HS3ST3A1: variants seen among roughly 807,000 people sequenced by gnomAD.
HS3ST3A1 encodes heparan sulfate glucosamine 3-O-sulfotransferase 3A1.
HS3ST3A1 carries 19 observed loss-of-function variants against 25.7 expected under a neutral mutation model. The ratio of observed to expected loss-of-function variants is 0.74; its 90% confidence interval spans 0.52 to 1.08. The LOEUF (loss-of-function observed/expected upper bound fraction) is 1.08. HS3ST3A1 is among the 50% of genes least tolerant of loss of function. The probability of loss-of-function intolerance (pLI) is 0.00; values close to 1 mark genes in which losing one functional copy is unlikely to be tolerated. For missense variants in HS3ST3A1, 459 were observed against 594.3 expected (o/e 0.77, Z 2.37); for synonymous variants, 226 against 278.6 (o/e 0.81, Z 1.88).
Position 13,580,911 on chromosome 17 carries a change from A to AAC in HS3ST3A1, c.599+19618_599+19619dup, listed in dbSNP as rs571361186. ...CATCTCAAAAACAAACAAAAAAAAG[A>AAC]ACACACACAGTCAATTGAGGTCTCT... On this transcript the variant is annotated intron_variant, in intron 1 of 1. Coordinates refer to ENST00000284110, the MANE Select transcript of HS3ST3A1 (RefSeq NM_006042.3). Among the ~76,000 whole-genome samples, 1,159 of 152,148 alleles carry AAC rather than the reference A, an allele frequency of 7.6e-3. 10 individuals are homozygous for AAC. The highest frequency in any genetic ancestry group is 0.014 in the Non-Finnish European group (930 of 68,006).
Position 13,504,483 on chromosome 17 carries a change from G to A in HS3ST3A1, c.600-7665C>T, listed in dbSNP as rs995123924. ...AATGGTGGTTACCCTTAGGGGGATC[G>A]GTGTCTAGAAGAGGGCATGAGAGGG... On this transcript the variant is annotated intron_variant, in intron 1 of 1. Transcript: ENST00000284110. Among the ~76,000 whole-genome samples the A allele has an allele frequency of 1.8e-4, 28 of 152,216 alleles. No individual in the cohort carries two copies. In the South Asian group the frequency reaches 2.3e-3, roughly 12 times the overall value.
intron 1 of HS3ST3A1, among the ~76,000 whole-genome samples, chr17:13,577,101 A>G (rs1379400090): frequency 6.6e-6 from 1 of 152,184 alleles, no homozygotes; most frequent in Non-Finnish European, 1.5e-5. Context: ...TAAAATCTTC[A>G]GATCTCTTGA....
At chr17:13,524,150 T>C (rs1209336978) in intron 1 of HS3ST3A1, among the ~76,000 whole-genome samples, 1 of 152,224 alleles carries the variant, frequency 6.6e-6, no homozygotes, top group African/African-American at 2.4e-5. Context: ...TCACAGAGTA[T>C]GAGTTTGTGG....
chr17:13,588,827 G>A (rs946648264), intron 1 of HS3ST3A1, among the ~76,000 whole-genome samples: 2 of 152,120 alleles, frequency 1.3e-5, no homozygotes, highest in Admixed American at 1.3e-4. Context: ...GGGACTACAG[G>A]CGCCCACCAC....
At chr17:13,588,689 A>AT (rs56739289) in intron 1 of HS3ST3A1, among the ~76,000 whole-genome samples, 80,709 of 146,972 alleles carry the variant, frequency 0.55, 23,505 homozygotes, top group East Asian at 0.67. Flanking sequence ...ATGTAGTTCC[A>AT]TTTTTTTTTT....
chr17:13,562,763 C>T (rs1907581523), intron 1 of HS3ST3A1, among the ~76,000 whole-genome samples: 1 of 152,104 alleles, frequency 6.6e-6, no homozygotes, highest in African/African-American at 2.4e-5. Flanking sequence ...ATCAAGGCAC[C>T]CAGCTGAGCT....
At chr17:13,591,589 T>C in intron 1 of HS3ST3A1, among the ~76,000 whole-genome samples, 1 of 152,124 alleles carries the variant, frequency 6.6e-6, no homozygotes, top group East Asian at 1.9e-4. Flanking sequence ...AACAGAGGTA[T>C]TTAAATACTT....
chr17:13,512,321 A>AAAAAACAAAAAC (rs1905899830), intron 1 of HS3ST3A1, among the ~76,000 whole-genome samples: 2 of 144,768 alleles, frequency 1.4e-5, no homozygotes, highest in South Asian at 2.1e-4. Context: ...AAAAAAAAAA[A>AAAAAACAAAAAC]AAAAAACTGC....
At chr17:13,592,227 C>T (rs1024059160) in intron 1 of HS3ST3A1, among the ~76,000 whole-genome samples, 3 of 152,228 alleles carry the variant, frequency 2.0e-5, no homozygotes, top group Non-Finnish European at 4.4e-5. Flanking sequence ...TGATCTTGGA[C>T]AAGTTATTTC....
chr17:13,595,807 A>G (rs903578556), intron 1 of HS3ST3A1, among the ~76,000 whole-genome samples: 1 of 151,914 alleles, frequency 6.6e-6, no homozygotes, highest in African/African-American at 2.4e-5. Context: ...GCAATTTGCA[A>G]TTGTTCAACT....
At chr17:13,554,628 G>C (rs1205528222) in intron 1 of HS3ST3A1, among the ~76,000 whole-genome samples, 1 of 152,170 alleles carries the variant, frequency 6.6e-6, no homozygotes, top group African/African-American at 2.4e-5. Context: ...CTTTGGAACT[G>C]TTAAGTCCCC....
chr17:13,519,900 CAG>C (rs1469005028), intron 1 of HS3ST3A1, among the ~76,000 whole-genome samples: 3 of 152,138 alleles, frequency 2.0e-5, no homozygotes, highest in African/African-American at 4.8e-5. Flanking sequence ...TCCAAAATAT[CAG>C]AGAGTCTTCT....
At chr17:13,509,320 G>A (rs1598409015) in intron 1 of HS3ST3A1, among the ~76,000 whole-genome samples, 1 of 152,030 alleles carries the variant, frequency 6.6e-6, no homozygotes, top group Non-Finnish European at 1.5e-5. Context: ...GTAACCCTGG[G>A]AAACAAACAA....
At chr17:13,523,749 T>C (rs1052726934) in intron 1 of HS3ST3A1, among the ~76,000 whole-genome samples, 3 of 152,226 alleles carry the variant, frequency 2.0e-5, no homozygotes, top group Non-Finnish European at 2.9e-5. Flanking sequence ...TAGCAACTTG[T>C]GTCTTTTGAT....
chr17:13,524,768 C>T (rs988135541), intron 1 of HS3ST3A1, among the ~76,000 whole-genome samples: 9 of 152,072 alleles, frequency 5.9e-5, no homozygotes, highest in Admixed American at 1.3e-4. Flanking sequence ...TACATAGGAA[C>T]TTTCTGCAAA....
At chr17:13,569,307 CT>C (rs1424990314) in intron 1 of HS3ST3A1, among the ~76,000 whole-genome samples, 3 of 152,140 alleles carry the variant, frequency 2.0e-5, no homozygotes, top group Non-Finnish European at 1.5e-5. Flanking sequence ...ATGCAGCGTT[CT>C]TTTGTGTTTA....
intron 1 of HS3ST3A1, among the ~76,000 whole-genome samples, chr17:13,499,806 A>G (rs1271854283): frequency 6.6e-6 from 1 of 152,222 alleles, no homozygotes; most frequent in African/African-American, 2.4e-5. Context: ...ATTGCAAAAG[A>G]AAAACACATT....
chr17:13,587,494 C>T (rs1426846498), intron 1 of HS3ST3A1, among the ~76,000 whole-genome samples: 4 of 152,060 alleles, frequency 2.6e-5, no homozygotes, highest in Non-Finnish European at 4.4e-5. Context: ...CTTTCCCAAC[C>T]TTTGTTCCTA....
chr17:13,500,775 G>A (rs1190275659), intron 1 of HS3ST3A1, among the ~76,000 whole-genome samples: 1 of 152,184 alleles, frequency 6.6e-6, no homozygotes, highest in Non-Finnish European at 1.5e-5. Context: ...AATTTCACAA[G>A]CGAATTAAGA....
Sources: gnomAD v4.1 joint callset for allele counts (sites outside exome capture counted in the v4.1 genomes callset) on GRCh38, gnomAD v4.1.1 for gene constraint, MANE v1.5 for transcripts, NCBI Gene and HGNC (gene_info 2026-07-23, HGNC 2026-07-21) for gene names.